SACS: variants seen among roughly 807,000 people sequenced by gnomAD.
SACS encodes the protein sacsin.
Under a neutral mutation model 348.0 loss-of-function variants are expected in SACS, and 197 were observed. The observed-to-expected ratio is 0.57, with a 90% CI of 0.50 to 0.64. SACS has a LOEUF of 0.64. SACS is among the 30% of genes least tolerant of loss of function. SACS has a pLI of 0.00. For synonymous variants in SACS, 1,985 were observed against 1,910.6 expected (o/e 1.04, Z -1.02); for missense variants, 4,999 against 5,360.8 (o/e 0.93, Z 2.11).
At chr13:23,390,129 T>C (rs1382201664) in intron 2 of SACS, among the ~76,000 whole-genome samples, 1 of 152,200 alleles carries the variant, frequency 6.6e-6, no homozygotes, top group Admixed American at 6.5e-5. Flanking sequence ...TCTAGGAGCT[T>C]CTGTAGGCTT....
chr13:23,364,473 G>A (rs948552228), intron 6 of SACS, among the ~76,000 whole-genome samples: 2 of 152,152 alleles, frequency 1.3e-5, no homozygotes, highest in Admixed American at 1.3e-4. Context: ...TAGAGACGGG[G>A]TTTTGCCACG....
At chr13:23,432,494 A>C (rs1159187995) in intron 1 of SACS, among the ~76,000 whole-genome samples, 1 of 152,170 alleles carries the variant, frequency 6.6e-6, no homozygotes, top group Non-Finnish European at 1.5e-5. Flanking sequence ...GCCCAAAGTG[A>C]GGCTTCAGGG....
chr13:23,375,636 G>T (rs897142785), intron 2 of SACS: 2 of 903,522 alleles, frequency 2.2e-6, no homozygotes, highest in South Asian at 5.1e-5. Context: ...GTTAGCTGGG[G>T]ATCCGCCCCG....
chr13:23,413,053 C>T (rs1279098863), intron 1 of SACS, among the ~76,000 whole-genome samples: 7 of 152,176 alleles, frequency 4.6e-5, no homozygotes, highest in Admixed American at 4.6e-4. Context: ...TCTCAGCTAA[C>T]TGCAACCTCT....
At position 23,375,266 on chromosome 13, in the gene SACS, C is replaced by A; in HGVS notation, c.24G>T (p.Trp8Cys). Residue 8 changes from tryptophan to cysteine, a missense_variant, in exon 3 of 10, where the codon TGG (tryptophan) becomes TGT (cysteine). By Grantham distance (215) the Trp-to-Cys change is radical. Around this residue, in one of 6 missense-constraint regions of SACS, gnomAD observed 3,156 missense variants for 3,380.1 expected, o/e 0.93. Transcript: ENST00000382292. ...AGCCGGGGAGCACGGTCACCGGGAC[C>A]CACCTGTGGAAAGCAGAGGGACGCT... is the stretch of plus-strand genomic sequence containing the variant. METKENR[W>C]VPVTVLPGCV... is the part of the protein sequence containing the mutation. 6.8e-7 allele frequency: 1 copy of A among 1,467,938 alleles called. No homozygotes were observed. The highest frequency in any genetic ancestry group is 9.0e-7 in the Non-Finnish European group (1 of 1,105,524). 90.9% of individuals were successfully genotyped at this position (1,467,938 alleles called of 1,614,324 possible). A position where few individuals can be genotyped will look rare whatever the true frequency, so the allele number is the denominator to read the frequency against.
intron 2 of SACS, among the ~76,000 whole-genome samples, chr13:23,400,951 T>C (rs1872950001): frequency 6.7e-6 from 1 of 149,760 alleles, no homozygotes; most frequent in Non-Finnish European, 1.5e-5. Context: ...AATTATTAAG[T>C]TTATTCGATT....
intron 2 of SACS, among the ~76,000 whole-genome samples, chr13:23,398,576 A>G (rs1872810202): frequency 6.6e-6 from 1 of 152,032 alleles, no homozygotes; most frequent in Non-Finnish European, 1.5e-5. Context: ...TGGTTCAGAA[A>G]GGTGGAACAA....
At chr13:23,374,755 G>A (rs925962361) in intron 3 of SACS, among the ~76,000 whole-genome samples, 1 of 151,886 alleles carries the variant, frequency 6.6e-6, no homozygotes, top group Non-Finnish European at 1.5e-5. Context: ...ATATATCAAA[G>A]GTGAAGATAT....
chr13:23,428,738 A>C (rs1295819835), intron 1 of SACS: 1 of 152,186 alleles, frequency 6.6e-6, no homozygotes, highest in Non-Finnish European at 1.5e-5. Context: ...CAGTGCTCCA[A>C]ATCCCTTCTG....
At chr13:23,420,766 G>C (rs1251015929) in intron 1 of SACS, among the ~76,000 whole-genome samples, 2 of 152,036 alleles carry the variant, frequency 1.3e-5, no homozygotes, top group African/African-American at 4.8e-5. Flanking sequence ...CCTGAGGCCT[G>C]ATGTTCATCA....
At chr13:23,369,746 C>T (rs1363449961) in intron 4 of SACS, among the ~76,000 whole-genome samples, 1 of 152,062 alleles carries the variant, frequency 6.6e-6, no homozygotes, top group Non-Finnish European at 1.5e-5. Context: ...GGGGTTTTAC[C>T]GTGTTAGCCA....
intron 1 of SACS, among the ~76,000 whole-genome samples, chr13:23,432,978 T>C (rs1349829417): frequency 6.6e-6 from 1 of 152,244 alleles, no homozygotes; most frequent in African/African-American, 2.4e-5. Flanking sequence ...GTTTTGTTGC[T>C]AAAGCTGGAA....
chr13:23,340,749 A>G lies in SACS; in HGVS notation c.3127T>C (p.Ser1043Pro). 3 of 1,604,416 alleles carry G rather than the reference A, an allele frequency of 1.9e-6. No homozygotes were observed. Among genetic ancestry groups the G allele is most frequent in the African/African-American group, 1.3e-5 (1 of 74,564 alleles). ...WLTPLKFIQI[S>P]QEQMVSAGEL... is the part of the protein sequence containing the mutation. ...CCAGCTGATACCATCTGTTCCTGTG[A>G]TATCTGGATGAATTTTAATGGTGTT... The change falls in exon 10 of 10, where the codon TCA (serine) becomes CCA (proline). Residue 1043 changes from serine to proline, a missense_variant. Ser to Pro is a moderately conservative substitution (Grantham distance 74). This residue lies in a region of SACS where 3,156 missense variants were observed against 3,380.1 expected (regional missense o/e 0.93). Transcript: ENST00000382292.
chr13:23,385,300 C>T (rs1214606809), intron 2 of SACS, among the ~76,000 whole-genome samples: 2 of 151,932 alleles, frequency 1.3e-5, no homozygotes, highest in Non-Finnish European at 2.9e-5. Flanking sequence ...TTGGAATCAA[C>T]TTCTTCCAAA....
At chr13:23,405,224 T>A (rs1211140205) in intron 2 of SACS, among the ~76,000 whole-genome samples, 1 of 152,112 alleles carries the variant, frequency 6.6e-6, no homozygotes, top group Non-Finnish European at 1.5e-5. Context: ...TATAAACCAG[T>A]GGAACAGAAA....
At chr13:23,408,353 C>A (rs1873324168) in intron 2 of SACS, among the ~76,000 whole-genome samples, 2 of 152,220 alleles carry the variant, frequency 1.3e-5, no homozygotes, top group Admixed American at 6.5e-5. Flanking sequence ...GAGGCTCCAA[C>A]ATCTTCCTGA....
chr13:23,354,538 T>C lies in SACS; in HGVS notation c.2074A>G (p.Thr692Ala). The change falls in exon 8 of 10, where the codon ACC (threonine) becomes GCC (alanine). Residue 692 changes from threonine to alanine, a missense_variant. Transcript: ENST00000382292. ...SVSDQDVIYI[T>A]SAEYPRSLFP... Reference sequence around the variant, plus strand: ...CCCTACCTTGGATATTCTGCTGAGGTAATATAAATGACATCTTGGTCTGAT... The same window carrying C: ...CCCTACCTTGGATATTCTGCTGAGGCAATATAAATGACATCTTGGTCTGAT... The C allele has an allele frequency of 2.5e-6, 4 of 1,614,008 alleles. No homozygotes were observed. Among genetic ancestry groups the C allele is most frequent in the Non-Finnish European group, 3.4e-6 (4 of 1,179,968 alleles).
At chr13:23,360,945 G>A (rs1235829924) in intron 6 of SACS, among the ~76,000 whole-genome samples, 1 of 151,896 alleles carries the variant, frequency 6.6e-6, no homozygotes, top group Admixed American at 6.6e-5. Flanking sequence ...AGTACAGGTG[G>A]GGTTTCACCA....
At position 23,341,489 on chromosome 13, in the gene SACS, A is replaced by G. The variant is rs1178257731; in HGVS notation, c.2387T>C (p.Leu796Ser). Reference sequence around the variant, plus strand: ...GGGGATAAGTGGCATCTCATCAAATAAAGTCAAATCCTCTGAAAAATGTAT... The same window carrying G: ...GGGGATAAGTGGCATCTCATCAAATGAAGTCAAATCCTCTGAAAAATGTAT... The part of the protein sequence containing the change: ...LYIHFSEDLT[L>S]FDEMPLIPRT... Residue 796 changes from leucine to serine, a missense_variant, in exon 10 of 10, where the codon TTA (leucine) becomes TCA (serine). This residue lies in a region of SACS where 3,156 missense variants were observed against 3,380.1 expected (regional missense o/e 0.93). Transcript: ENST00000382292. 6.2e-7 allele frequency: 1 copy of G among 1,614,026 alleles called. No individual in the cohort carries two copies. The highest frequency in any genetic ancestry group is 8.5e-7 in the Non-Finnish European group (1 of 1,179,952).
Sources: gnomAD v4.1 joint callset for allele counts (sites outside exome capture counted in the v4.1 genomes callset) on GRCh38, gnomAD v4.1.1 for gene constraint, gnomAD v4.1.1 regional missense constraint, MANE v1.5 for transcripts, NCBI Gene and HGNC (gene_info 2026-07-23, HGNC 2026-07-21) for gene names.